The following ANOS1 variants were observed in gnomAD, a reference collection of about 807,000 sequenced individuals.
ANOS1 encodes the protein anosmin 1.
In ANOS1, 6 loss-of-function variants were observed where a neutral mutation model predicts 59.0. The observed-to-expected ratio is 0.10, with a 90% CI of 0.06 to 0.20. The LOEUF (loss-of-function observed/expected upper bound fraction) is 0.20. ANOS1 is among the 10% of genes least tolerant of loss of function. The pLI, the probability that ANOS1 is intolerant of heterozygous loss-of-function variation, is 1.00. For synonymous variants in ANOS1, 217 were observed against 223.4 expected (o/e 0.97, Z 0.25); for missense variants, 433 against 542.3 (o/e 0.80, Z 2.00).
At position 8,529,992 on chromosome X, in the gene ANOS1, CAG is replaced by C. The variant is rs909313748; in HGVS notation, c.*3001_*3002del. The stretch of plus-strand genomic sequence containing the variant: ...CTATGTATCTAAGGTTTTCAGGACA[CAG>C]ATGTATTTCTAATCTTTGAACTTCG... On this transcript the variant is annotated 3_prime_UTR_variant, in exon 14 of 14. Transcript: ENST00000262648. 8.9e-6 allele frequency: 1 copy of C among 111,835 alleles called. No homozygotes were observed. The highest frequency in any genetic ancestry group is 3.2e-5 in the African/African-American group (1 of 30,787). 9.2% of individuals were successfully genotyped at this position (111,835 alleles called of 1,213,427 possible).
At chrX:8,566,900 C>T (rs1317767403) in intron 8 of ANOS1, among the ~76,000 whole-genome samples, 1 of 111,768 alleles carries the variant, frequency 8.9e-6, no homozygotes, top group Non-Finnish European at 1.9e-5. Context: ...CATTGCCTTT[C>T]CTAAATTCAG....
chrX:8,555,139 T>C (rs1929929952), intron 8 of ANOS1, among the ~76,000 whole-genome samples: 1 of 111,315 alleles, frequency 9.0e-6, no homozygotes, highest in Non-Finnish European at 1.9e-5. Context: ...ACTGGGTAAA[T>C]AATGAAATTC....
At chrX:8,598,297 A>C (rs1308132948) in intron 3 of ANOS1, among the ~76,000 whole-genome samples, 1 of 112,021 alleles carries the variant, frequency 8.9e-6, no homozygotes, top group Admixed American at 9.5e-5. Flanking sequence ...CCCTGGACTT[A>C]TTAGAGGAAT....
At chrX:8,613,678 T>TCAC (rs1931107794) in intron 3 of ANOS1, among the ~76,000 whole-genome samples, 1 of 111,265 alleles carries the variant, frequency 9.0e-6, no homozygotes. Flanking sequence ...TCTCACTCTG[T>TCAC]CACCCTGGCT....
intron 2 of ANOS1, among the ~76,000 whole-genome samples, chrX:8,656,546 T>C (rs1276922200): frequency 9.0e-6 from 1 of 111,407 alleles, no homozygotes; most frequent in African/African-American, 3.3e-5. Context: ...GAGCCACTCA[T>C]TCATCCTCGT....
intron 3 of ANOS1, among the ~76,000 whole-genome samples, chrX:8,597,655 T>A (rs1601971572): frequency 1.3e-5 from 1 of 78,284 alleles, no homozygotes; most frequent in African/African-American, 4.7e-5. Context: ...TTTTTCTTTC[T>A]CCCTTTTTTT....
chrX:8,589,167 T>A (rs1031426693), intron 4 of ANOS1, among the ~76,000 whole-genome samples: 16 of 112,468 alleles, frequency 1.4e-4, no homozygotes, highest in African/African-American at 4.8e-4. Context: ...ATCAAATATT[T>A]GGATGGATGG....
At chrX:8,551,293 T>C (rs1186745787) in intron 9 of ANOS1, among the ~76,000 whole-genome samples, 1 of 111,979 alleles carries the variant, frequency 8.9e-6, no homozygotes, top group Non-Finnish European at 1.9e-5. Context: ...AACCAGGACA[T>C]AGAGAATACT....
chrX:8,534,488 TC>T, intron 12 of ANOS1, 28 bp from the exon 13 acceptor site: 1 of 1,202,150 alleles, frequency 8.3e-7, no homozygotes, highest in African/African-American at 1.7e-5. Context: ...AAGAGCATGC[TC>T]ACCGACAACC....
At chrX:8,558,851 T>C (rs1049116364) in intron 8 of ANOS1, among the ~76,000 whole-genome samples, 2 of 111,911 alleles carry the variant, frequency 1.8e-5, no homozygotes, top group African/African-American at 6.5e-5. Context: ...GTGACAGACA[T>C]CCAAATTCTG....
intron 1 of ANOS1, among the ~76,000 whole-genome samples, chrX:8,716,672 C>T (rs1447993363): frequency 8.9e-6 from 1 of 111,737 alleles, no homozygotes; most frequent in Non-Finnish European, 1.9e-5. Context: ...TCATTTGTGT[C>T]TGTGCACCCC....
intron 2 of ANOS1, among the ~76,000 whole-genome samples, chrX:8,674,099 C>T (rs192053776): frequency 1.5e-4 from 17 of 112,010 alleles, no homozygotes; most frequent in Admixed American, 1.4e-3. Context: ...GTGTAACAAC[C>T]TTTTGGCTTC....
At chrX:8,662,949 G>A (rs902350060) in intron 2 of ANOS1, among the ~76,000 whole-genome samples, 7 of 112,146 alleles carry the variant, frequency 6.2e-5, no homozygotes, top group Non-Finnish European at 9.4e-5. Flanking sequence ...GCTTGAACCC[G>A]GGAGGCGGAG....
intron 2 of ANOS1, among the ~76,000 whole-genome samples, chrX:8,626,111 C>CAAAAA (rs138234272): frequency 1.2e-4 from 3 of 24,519 alleles, no homozygotes; most frequent in African/African-American, 1.5e-4. Flanking sequence ...GACTCTGTCT[C>CAAAAA]AAAAAAAAAA....
intron 3 of ANOS1, among the ~76,000 whole-genome samples, chrX:8,620,042 C>T (rs1931261745): frequency 8.9e-6 from 1 of 112,325 alleles, no homozygotes; most frequent in Non-Finnish European, 1.9e-5. Flanking sequence ...AAGCAATCCT[C>T]CTGCCTCAGC....
At chrX:8,642,857 C>G (rs1312580166) in intron 2 of ANOS1, among the ~76,000 whole-genome samples, 1 of 111,514 alleles carries the variant, frequency 9.0e-6, no homozygotes, top group African/African-American at 3.3e-5. Context: ...TTGATGCAGG[C>G]TGAATTTGAG....
chrX:8,720,428 A>C (rs929518771), intron 1 of ANOS1, among the ~76,000 whole-genome samples: 2 of 112,179 alleles, frequency 1.8e-5, no homozygotes, highest in African/African-American at 6.5e-5. Flanking sequence ...GCCTAAAAAA[A>C]AGCAATTGAC....
chrX:8,594,680 A>AT (rs1388116611), intron 4 of ANOS1, among the ~76,000 whole-genome samples: 1 of 57,021 alleles, frequency 1.8e-5, no homozygotes, highest in Non-Finnish European at 3.1e-5. Flanking sequence ...ATATATATAT[A>AT]TATATATATA....
intron 3 of ANOS1, among the ~76,000 whole-genome samples, chrX:8,610,961 C>A (rs145622891): frequency 1.8e-5 from 2 of 110,845 alleles, no homozygotes; most frequent in Non-Finnish European, 1.9e-5. Flanking sequence ...CAGGAAATTG[C>A]GGCACATAAA....
Sources: gnomAD v4.1 joint callset for allele counts (sites outside exome capture counted in the v4.1 genomes callset) on GRCh38, gnomAD v4.1.1 for gene constraint, MANE v1.5 for transcripts, NCBI Gene and HGNC (gene_info 2026-07-23, HGNC 2026-07-21) for gene names.